DNAAF1: variants seen among roughly 807,000 people sequenced by gnomAD.
The protein encoded by DNAAF1 is dynein assembly factor 1, axonemal.
DNAAF1 carries 65 observed loss-of-function variants against 71.1 expected under a neutral mutation model. The observed-to-expected ratio is 0.91, with a 90% CI of 0.75 to 1.12. The LOEUF is 1.12. Among genes scored for constraint, DNAAF1 ranks in the 50% most tolerant of loss-of-function variants. The pLI, the probability that DNAAF1 is intolerant of heterozygous loss-of-function variation, is 0.00. For synonymous variants in DNAAF1, 414 were observed against 354.6 expected (o/e 1.17, Z -1.88); for missense variants, 1,178 against 899.8 (o/e 1.31, Z -3.96).
At chr16:84,172,862 T>G (rs1021096877) in intron 9 of DNAAF1, 1 of 1,028,320 alleles carries the variant, frequency 9.7e-7, no homozygotes, top group African/African-American at 1.7e-5. Flanking sequence ...GTGTGACGGT[T>G]CAGTGTCCCA....
chr16:84,159,821 C>A, intron 6 of DNAAF1, 25 bp downstream of exon 6: 1 of 1,612,108 alleles, frequency 6.2e-7, no homozygotes, highest in South Asian at 1.1e-5. Flanking sequence ...GCCTTCTGAT[C>A]ACATTTTAAT....
rs191104777 is a variant in DNAAF1 at position 84,177,213 on chromosome 16, G to A, written c.2066-516G>A. 1.5e-5 allele frequency: 3 copies of A among 202,770 alleles called. No individual in the cohort carries two copies. In the Admixed American group the frequency reaches 1.6e-4, roughly 11 times the overall value. 12.6% of individuals were successfully genotyped at this position (202,770 alleles called of 1,614,324 possible). ...ACTCTAGGAACCAGCACAGAAAAGT[G>A]CAGTCTGAGCTGGAGCCCGTGCAGC... On this transcript the variant is annotated intron_variant, in intron 11 of 11. Transcript: ENST00000378553.
chr16:84,161,514 A>G (rs2087715567), intron 6 of DNAAF1, among the ~76,000 whole-genome samples: 1 of 152,124 alleles, frequency 6.6e-6, no homozygotes, highest in East Asian at 1.9e-4. Flanking sequence ...ACAGGCGTGC[A>G]CCACCAAACC....
At chr16:84,151,742 G>T (rs191344903) in intron 3 of DNAAF1, among the ~76,000 whole-genome samples, 237 of 152,302 alleles carry the variant, frequency 1.6e-3, no homozygotes, top group African/African-American at 5.4e-3. Context: ...GACTGTCAGC[G>T]CAGTCTCACT....
chr16:84,166,532 C>A (rs1209847136), intron 7 of DNAAF1, among the ~76,000 whole-genome samples: 2 of 151,838 alleles, frequency 1.3e-5, no homozygotes. Flanking sequence ...CCATGCTTAG[C>A]TAATTAAAAA....
At chr16:84,157,832 A>C (rs2087511416) in intron 5 of DNAAF1, among the ~76,000 whole-genome samples, 1 of 152,196 alleles carries the variant, frequency 6.6e-6, no homozygotes, top group Non-Finnish European at 1.5e-5. Context: ...AGAAAGCTCT[A>C]TTATATTATA....
In DNAAF1 at chr16:84,172,844, T is replaced by C. The variant is rs1033428655; in HGVS notation, c.1644+469T>C. ...CTTAGGCTCTCACTGGCCTTCTGGC[T>C]CATGGAGGTGTGACGGTTCAGTGTC... is the stretch of plus-strand genomic sequence containing the variant. On this transcript the variant is annotated intron_variant, in intron 9 of 11. Transcript: ENST00000378553. 7 of 1,041,488 alleles carry C rather than the reference T, an allele frequency of 6.7e-6. No individual in the cohort carries two copies. In the African/African-American group the frequency reaches 8.4e-5, roughly 13 times the overall value. The allele number at this position is 1,041,488 out of a possible 1,614,324, so 64.5% of individuals were successfully genotyped here.
intron 10 of DNAAF1, 56 bp from the exon 11 acceptor site, chr16:84,175,877 A>G: frequency 6.3e-7 from 1 of 1,596,696 alleles, no homozygotes; most frequent in Non-Finnish European, 8.6e-7. Flanking sequence ...GGTGCATTGT[A>G]GAGCGATTCT....
chr16:84,169,356 G>C (rs942388565), intron 7 of DNAAF1, among the ~76,000 whole-genome samples: 2 of 151,846 alleles, frequency 1.3e-5, no homozygotes, highest in Admixed American at 1.3e-4. Context: ...AAAATGCTGG[G>C]ATTACAAGCA....
chr16:84,168,371 C>A (rs892572312), intron 7 of DNAAF1, among the ~76,000 whole-genome samples: 1 of 152,230 alleles, frequency 6.6e-6, no homozygotes, highest in Non-Finnish European at 1.5e-5. Context: ...ATCACATCTG[C>A]ACAGTTCCTT....
intron 8 of DNAAF1, among the ~76,000 whole-genome samples, chr16:84,171,536 G>A (rs555453216): frequency 1.3e-5 from 2 of 152,304 alleles, no homozygotes; most frequent in South Asian, 2.1e-4. Context: ...TTCCTCAGGC[G>A]ATCTCACAGT....
chr16:84,149,757 G>T (rs1444092116), intron 2 of DNAAF1, among the ~76,000 whole-genome samples: 1 of 151,158 alleles, frequency 6.6e-6, no homozygotes, highest in Non-Finnish European at 1.5e-5. Flanking sequence ...AAGCGTGGTG[G>T]CCCTTGCCTG....
At chr16:84,167,022 G>T (rs944188965) in intron 7 of DNAAF1, among the ~76,000 whole-genome samples, 13 of 152,018 alleles carry the variant, frequency 8.6e-5, no homozygotes, top group African/African-American at 3.1e-4. Context: ...CAATGGTCTC[G>T]CAAGATGACT....
chr16:84,157,772 AGTGTG>A (rs1439918348), intron 5 of DNAAF1, among the ~76,000 whole-genome samples: 29 of 152,342 alleles, frequency 1.9e-4, no homozygotes, highest in Middle Eastern at 3.4e-3. Context: ...AACAATCTGT[AGTGTG>A]TACTATCAAA....
intron 6 of DNAAF1, 96 bp downstream of exon 6, chr16:84,159,892 C>T (rs2087620755): frequency 2.1e-6 from 3 of 1,445,340 alleles, no homozygotes; most frequent in Non-Finnish European, 2.9e-6. Flanking sequence ...TGAGAAATTT[C>T]ACATATCAAA....
chr16:84,145,479 A>C lies in DNAAF1; in HGVS notation c.39A>C (p.Ala13=), dbSNP rs978051937. 1 of 1,576,572 alleles carries C rather than the reference A, an allele frequency of 6.3e-7. No individual in the cohort carries two copies. Among genetic ancestry groups the C allele is most frequent in the Admixed American group, 1.9e-5 (1 of 53,390 alleles). The stretch of plus-strand genomic sequence containing the variant: ...CCTCGGAGCCTGCGACAGGTGGTGC[A>C]GCAGAGCTGGATTGCGCGCAGGAGC... ...PEPSEPATGG[A]AELDCAQEPG... Residue 13 remains alanine (A), a synonymous_variant, in exon 1 of 12, where the codon GCA becomes GCC. Coordinates refer to ENST00000378553, the MANE Select transcript of DNAAF1 (RefSeq NM_178452.6).
chr16:84,155,917 T>C (rs886162521), intron 5 of DNAAF1, among the ~76,000 whole-genome samples, 168 bp downstream of exon 5: 3 of 152,176 alleles, frequency 2.0e-5, no homozygotes, highest in East Asian at 1.9e-4. Flanking sequence ...ATGCCAGTTA[T>C]CGTATTATTT....
chr16:84,155,075 A>G (rs1323232742), intron 4 of DNAAF1, among the ~76,000 whole-genome samples: 1 of 151,874 alleles, frequency 6.6e-6, no homozygotes, highest in Non-Finnish European at 1.5e-5. Context: ...CACCTGGCTA[A>G]TTTTTTGTAT....
Position 84,150,616 on chromosome 16 carries a change from C to CT in DNAAF1, c.352+291dup, listed in dbSNP as rs754336069. On this transcript the variant is annotated intron_variant, in intron 3 of 11. Coordinates refer to ENST00000378553, the MANE Select transcript of DNAAF1 (RefSeq NM_178452.6). ...TAAGGAATTTTTTTTTCTTTTCTTT[C>CT]TTTTTTTTTTTTTTTTTGAGATGGT... Among the ~76,000 whole-genome samples, 9,004 of 130,294 alleles carry CT rather than the reference C, an allele frequency of 0.069. 390 individuals are homozygous for CT. The highest frequency in any genetic ancestry group is 0.091 in the Non-Finnish European group (5,667 of 62,246). The allele number at this position is 130,294 out of a possible 152,430, so 85.5% of individuals were successfully genotyped here. A position where few individuals can be genotyped will look rare whatever the true frequency, so the allele number is the denominator to read the frequency against.
Sources: allele counts gnomAD v4.1 joint callset (sites outside exome capture counted in the v4.1 genomes callset), GRCh38; gene constraint gnomAD v4.1.1; transcripts MANE v1.5; gene names NCBI Gene and HGNC (gene_info 2026-07-23, HGNC 2026-07-21).